ATP13A4: variants seen among roughly 807,000 people sequenced by gnomAD.
The protein encoded by ATP13A4 is probable cation-transporting ATPase 13A4.
Under a neutral mutation model 142.5 loss-of-function variants are expected in ATP13A4, and 114 were observed. The observed-to-expected ratio is 0.80, with a 90% CI of 0.69 to 0.93. ATP13A4 has a LOEUF of 0.93. ATP13A4 is among the 40% of genes least tolerant of loss of function. The probability of loss-of-function intolerance (pLI) is 0.00; values close to 1 mark genes in which losing one functional copy is unlikely to be tolerated. For missense variants in ATP13A4, 1,392 were observed against 1,454.0 expected (o/e 0.96, Z 0.69); for synonymous variants, 488 against 514.8 (o/e 0.95, Z 0.70).
At chr3:193,440,480 C>T (rs1285848116) in intron 21 of ATP13A4, 78 bp downstream of exon 21, 6 of 1,601,960 alleles carry the variant, frequency 3.7e-6, no homozygotes, top group Middle Eastern at 1.7e-4. Flanking sequence ...AACTGAGTGA[C>T]TCCTGGTACC....
intron 2 of ATP13A4, among the ~76,000 whole-genome samples, chr3:193,508,192 C>T (rs146537459): frequency 1.5e-4 from 23 of 152,304 alleles, no homozygotes; most frequent in African/African-American, 4.1e-4. Flanking sequence ...CTTGGACTTT[C>T]GGCTCCCAGA....
intron 25 of ATP13A4, among the ~76,000 whole-genome samples, chr3:193,424,041 T>C (rs1296374114): frequency 1.3e-5 from 2 of 149,108 alleles, no homozygotes; most frequent in South Asian, 2.1e-4. Flanking sequence ...TGATGAATTA[T>C]CTATAAAAGA....
chr3:193,516,094 T>C (rs1721398831), intron 1 of ATP13A4, among the ~76,000 whole-genome samples: 3 of 152,242 alleles, frequency 2.0e-5, no homozygotes, highest in Non-Finnish European at 2.9e-5. Context: ...CACCAGTTTA[T>C]TGGCAGTTAG....
intron 1 of ATP13A4, among the ~76,000 whole-genome samples, chr3:193,523,826 G>A (rs1053792783): frequency 6.6e-6 from 1 of 152,114 alleles, no homozygotes; most frequent in East Asian, 1.9e-4. Flanking sequence ...TAGTGGTAGG[G>A]GTCTGGTGCA....
Position 193,444,856 on chromosome 3 carries a change from A to C in ATP13A4, c.2153-2300T>G, listed in dbSNP as rs187694688. Among the ~76,000 whole-genome samples the C allele has an allele frequency of 3.7e-4, 56 of 152,308 alleles. No homozygotes were observed. The East Asian group carries it at 0.011, about 29-fold the overall frequency. The stretch of plus-strand genomic sequence containing the variant: ...AGAGCCGAAGTGGTAGGAAGGAGCT[A>C]CCTGAGGCTGGAAGGATACAGGGAG... On this transcript the variant is annotated intron_variant, in intron 18 of 29. Transcript: ENST00000342695.
intron 8 of ATP13A4, among the ~76,000 whole-genome samples, chr3:193,471,515 G>A (rs550791347): frequency 2.0e-5 from 3 of 152,104 alleles, no homozygotes; most frequent in South Asian, 2.1e-4. Flanking sequence ...TCAGGAGGTC[G>A]AGACTGTAGT....
intron 2 of ATP13A4, among the ~76,000 whole-genome samples, chr3:193,507,077 C>T (rs996274561): frequency 9.2e-5 from 14 of 152,086 alleles, no homozygotes; most frequent in Admixed American, 2.0e-4. Context: ...TTGTATAGTT[C>T]ACTACACAAA....
At chr3:193,553,833 T>A (rs2108731393) in intron 1 of ATP13A4, 1 of 152,328 alleles carries the variant, frequency 6.6e-6, no homozygotes, top group East Asian at 1.9e-4. Flanking sequence ...GCTAAAGCAA[T>A]TAACCAAGAA....
chr3:193,582,698 C>T (rs1243390284), intron 1 of ATP13A4, among the ~76,000 whole-genome samples: 2 of 55,760 alleles, frequency 3.6e-5, no homozygotes, highest in Non-Finnish European at 6.1e-5. Flanking sequence ...ATGTGTATAA[C>T]ATATATAATA....
chr3:193,449,077 T>A (rs1717123064), intron 17 of ATP13A4, among the ~76,000 whole-genome samples: 1 of 152,200 alleles, frequency 6.6e-6, no homozygotes, highest in African/African-American at 2.4e-5. Context: ...GAGGTCATAA[T>A]CTCAACAAAC....
chr3:193,574,574 G>A, intron 2 of ATP13A4, among the ~76,000 whole-genome samples: 1 of 107,302 alleles, frequency 9.3e-6, no homozygotes, highest in Non-Finnish European at 1.9e-5. Context: ...CAAAAATCAG[G>A]TGGGTGTGGC....
intron 18 of ATP13A4, among the ~76,000 whole-genome samples, chr3:193,447,932 C>T (rs576299424): frequency 6.6e-6 from 1 of 152,200 alleles, no homozygotes; most frequent in Non-Finnish European, 1.5e-5. Context: ...TCTTAACCAT[C>T]TCATCTAAAA....
intron 3 of ATP13A4, among the ~76,000 whole-genome samples, chr3:193,501,825 A>G (rs1459454163): frequency 6.6e-6 from 1 of 152,200 alleles, no homozygotes; most frequent in African/African-American, 2.4e-5. Flanking sequence ...GGAGCAACCC[A>G]AATACATTTG....
At chr3:193,438,374 C>A (rs1230524665) in intron 23 of ATP13A4, 101 bp downstream of exon 23, 8 of 980,148 alleles carry the variant, frequency 8.2e-6, no homozygotes, top group Admixed American at 1.9e-5. Context: ...CCCTCCGCAC[C>A]CAGGGACAGA....
chr3:193,482,263 GA>G (rs1295903806), intron 8 of ATP13A4, among the ~76,000 whole-genome samples: 1 of 150,320 alleles, frequency 6.7e-6, no homozygotes, highest in African/African-American at 2.4e-5. Context: ...ACCCTCAATC[GA>G]AAAAAAACAA....
intron 1 of ATP13A4, among the ~76,000 whole-genome samples, chr3:193,541,120 G>A (rs1255930251): frequency 6.6e-6 from 1 of 151,474 alleles, no homozygotes; most frequent in Non-Finnish European, 1.5e-5. Context: ...GTGGTGGCAG[G>A]CGCCTGTAGT....
chr3:193,466,639 T>A (rs1195726979), intron 10 of ATP13A4, among the ~76,000 whole-genome samples: 5 of 152,214 alleles, frequency 3.3e-5, no homozygotes, highest in Non-Finnish European at 5.9e-5. Context: ...GAGACCTGAG[T>A]TCTAGGTCCA....
intron 16 of ATP13A4, 59 bp downstream of exon 16, chr3:193,456,941 G>A (rs1717649423): frequency 1.3e-6 from 2 of 1,553,682 alleles, no homozygotes; most frequent in South Asian, 2.4e-5. Flanking sequence ...AAATGCAGTG[G>A]GAACATATTT....
chr3:193,514,774 C>G lies in ATP13A4; in HGVS notation c.158G>C (p.Arg53Thr). Residue 53 changes from arginine (R) to threonine (T), a missense_variant, in exon 2 of 30, where the codon AGA (arginine) becomes ACA (threonine). Arg to Thr is a moderately conservative substitution (Grantham distance 71). Transcript: ENST00000342695. Reference sequence around the variant, plus strand: ...ATGTGCCCATACGTGCCATGCTGGTCTCCAGTAAAACACCAAGGGGAGGAT... The same window carrying G: ...ATGTGCCCATACGTGCCATGCTGGTGTCCAGTAAAACACCAAGGGGAGGAT... ...FGILPLVFYW[R>T]PAWHVWAHCV... The G allele has an allele frequency of 6.2e-7, 1 of 1,614,188 alleles. No individual in the cohort carries two copies. The highest frequency in any genetic ancestry group is 8.5e-7 in the Non-Finnish European group (1 of 1,180,048).
Sources: allele counts gnomAD v4.1 joint callset (sites outside exome capture counted in the v4.1 genomes callset), GRCh38; gene constraint gnomAD v4.1.1; transcripts MANE v1.5; gene names NCBI Gene and HGNC (gene_info 2026-07-23, HGNC 2026-07-21).